Variants in CCSER1 observed in about 807,000 individuals in gnomAD.
The protein encoded by CCSER1 is coiled-coil serine rich protein 1.
CCSER1 carries 41 observed loss-of-function variants against 82.0 expected under a neutral mutation model. The observed-to-expected ratio is 0.50, with a 90% confidence interval of 0.39 to 0.65. CCSER1 has a LOEUF of 0.65. Ranked by LOEUF, CCSER1 falls within the 30% of genes least tolerant of loss-of-function variation. CCSER1 has a pLI of 0.00. For missense variants in CCSER1, 1,119 were observed against 1,064.2 expected (o/e 1.05, Z -0.72); for synonymous variants, 414 against 383.9 (o/e 1.08, Z -0.92).
chr4:91,412,551 A>G (rs1209841442), intron 10 of CCSER1, among the ~76,000 whole-genome samples: 3 of 151,982 alleles, frequency 2.0e-5, no homozygotes, highest in Admixed American at 1.3e-4. Flanking sequence ...TGGAAGTCCA[A>G]CCCACCCAGG....
intron 10 of CCSER1, among the ~76,000 whole-genome samples, chr4:91,434,099 C>T (rs745996196): frequency 4.6e-5 from 7 of 152,002 alleles, no homozygotes; most frequent in Non-Finnish European, 8.8e-5. Context: ...TATGGTACTC[C>T]GGCTGCACAA....
intron 3 of CCSER1, among the ~76,000 whole-genome samples, chr4:90,339,498 C>T (rs1326381523): frequency 2.0e-5 from 3 of 152,168 alleles, no homozygotes; most frequent in African/African-American, 7.2e-5. Context: ...CCATTCCTTG[C>T]TTTCGCTCTC....
intron 10 of CCSER1, among the ~76,000 whole-genome samples, chr4:91,517,488 A>G (rs1760194304): frequency 6.6e-6 from 1 of 152,096 alleles, no homozygotes; most frequent in African/African-American, 2.4e-5. Context: ...GTTCATTTGT[A>G]CACTCAGCTG....
At chr4:91,098,685 G>T (rs1324688541) in intron 10 of CCSER1, among the ~76,000 whole-genome samples, 2 of 152,020 alleles carry the variant, frequency 1.3e-5, no homozygotes, top group African/African-American at 2.4e-5. Context: ...GGGACTACAG[G>T]CATGTACCAC....
intron 10 of CCSER1, among the ~76,000 whole-genome samples, chr4:91,331,024 C>A (rs1006239328): frequency 3.3e-5 from 5 of 152,068 alleles, no homozygotes; most frequent in African/African-American, 9.7e-5. Context: ...ACAGGAAAAA[C>A]CATAGTGTGT....
At chr4:91,551,229 CTTATG>C (rs1308168755) in intron 10 of CCSER1, among the ~76,000 whole-genome samples, 11 of 151,898 alleles carry the variant, frequency 7.2e-5, no homozygotes, top group Admixed American at 1.3e-4. Flanking sequence ...AAAGGCAATA[CTTATG>C]TTATTGTGTT....
At chr4:90,830,762 T>G (rs1761023194) in intron 8 of CCSER1, among the ~76,000 whole-genome samples, 1 of 152,150 alleles carries the variant, frequency 6.6e-6, no homozygotes, top group South Asian at 2.1e-4. Flanking sequence ...TCCTTTTTTC[T>G]CTATTGTATA....
chr4:90,942,949 C>T (rs1581163723), intron 9 of CCSER1, among the ~76,000 whole-genome samples: 1 of 145,136 alleles, frequency 6.9e-6, no homozygotes, highest in Non-Finnish European at 1.5e-5. Flanking sequence ...AATTATTTTT[C>T]ATATATATAT....
chr4:91,490,639 A>AT (rs1758467161), intron 10 of CCSER1, among the ~76,000 whole-genome samples: 1 of 151,484 alleles, frequency 6.6e-6, no homozygotes, highest in African/African-American at 2.4e-5. Flanking sequence ...TGGTACAAAA[A>AT]TATAGTTAGG....
chr4:90,696,902 T>C (rs1004856531), intron 6 of CCSER1, among the ~76,000 whole-genome samples: 3 of 152,112 alleles, frequency 2.0e-5, no homozygotes, highest in African/African-American at 7.2e-5. Flanking sequence ...TGTTCAGTTG[T>C]AGCAGAGGGA....
chr4:91,319,150 A>T (rs532881901), intron 10 of CCSER1: 1 of 235,740 alleles, frequency 4.2e-6, no homozygotes, highest in African/African-American at 2.4e-5. Context: ...GGAAAAAAAT[A>T]AAATTAGATG....
At chr4:90,554,572 G>C (rs139644711) in intron 5 of CCSER1, among the ~76,000 whole-genome samples, 105 of 152,290 alleles carry the variant, frequency 6.9e-4, no homozygotes, top group Non-Finnish European at 1.2e-3. Flanking sequence ...ATGAAGGACA[G>C]CTCATATATG....
intron 5 of CCSER1, among the ~76,000 whole-genome samples, chr4:90,494,820 C>T (rs1560610449): frequency 6.6e-6 from 1 of 152,004 alleles, no homozygotes; most frequent in African/African-American, 2.4e-5. Context: ...ACTTTTACAA[C>T]AGTTCACGCC....
At chr4:91,466,570 C>G (rs1241359282) in intron 10 of CCSER1, among the ~76,000 whole-genome samples, 6 of 152,086 alleles carry the variant, frequency 3.9e-5, no homozygotes, top group South Asian at 2.1e-4. Context: ...AATTGTCCCT[C>G]TTTGCAGATG....
intron 1 of CCSER1, among the ~76,000 whole-genome samples, chr4:90,282,694 T>G (rs1282470333): frequency 1.3e-5 from 2 of 151,972 alleles, no homozygotes; most frequent in Non-Finnish European, 2.9e-5. Context: ...CTGAATACTA[T>G]TGGTTAAAGA....
chr4:90,995,670 T>G (rs964939415), intron 9 of CCSER1, among the ~76,000 whole-genome samples: 8 of 152,098 alleles, frequency 5.3e-5, no homozygotes, highest in African/African-American at 1.7e-4. Context: ...GAATATGAAC[T>G]CAAATCAAAA....
chr4:91,583,112 A>G, intron 10 of CCSER1, among the ~76,000 whole-genome samples: 1 of 151,296 alleles, frequency 6.6e-6, no homozygotes, highest in Admixed American at 6.6e-5. Flanking sequence ...GAATTTGTAA[A>G]TATTTGGAGT....
intron 5 of CCSER1, among the ~76,000 whole-genome samples, chr4:90,579,785 C>T (rs1232230635): frequency 4.0e-5 from 6 of 151,490 alleles, no homozygotes; most frequent in Admixed American, 3.9e-4. Flanking sequence ...TCAGTTAATT[C>T]CGTGGTTGGC....
chr4:90,468,191 T>C, intron 4 of CCSER1, 43 bp from the exon 5 acceptor site: 1 of 1,551,226 alleles, frequency 6.4e-7, no homozygotes, highest in South Asian at 1.3e-5. Context: ...GACTAGTTCA[T>C]AAATAATTTT....
Sources: allele counts gnomAD v4.1 joint callset (sites outside exome capture counted in the v4.1 genomes callset), GRCh38; gene constraint gnomAD v4.1.1; transcripts MANE v1.5; gene names NCBI Gene and HGNC (gene_info 2026-07-23, HGNC 2026-07-21).